Variants in AFF3 observed in about 807,000 individuals in gnomAD.
AFF3 encodes the protein ALF transcription elongation factor 3.
AFF3 carries 32 observed loss-of-function variants against 129.7 expected under a neutral mutation model. That is an observed-to-expected ratio of 0.25 (90% CI 0.19 to 0.33). AFF3 has a LOEUF of 0.33. Ranked by LOEUF, AFF3 falls within the 10% of genes least tolerant of loss-of-function variation. The probability of loss-of-function intolerance (pLI) is 1.00; values close to 1 mark genes in which losing one functional copy is unlikely to be tolerated. For synonymous variants in AFF3, 644 were observed against 635.4 expected (o/e 1.01, Z -0.20); for missense variants, 1,373 against 1,592.0 (o/e 0.86, Z 2.34).
At chr2:100,084,027 G>A (rs745627971) in intron 4 of AFF3, among the ~76,000 whole-genome samples, 4 of 152,158 alleles carry the variant, frequency 2.6e-5, no homozygotes, top group East Asian at 3.9e-4. Context: ...GCTATTCCAC[G>A]TGACCACACC....
intron 11 of AFF3, among the ~76,000 whole-genome samples, chr2:99,677,000 G>T (rs1673999453): frequency 6.6e-6 from 1 of 152,144 alleles, no homozygotes; most frequent in Non-Finnish European, 1.5e-5. Flanking sequence ...TGCACGCGGT[G>T]GCTTGTTCCT....
intron 13 of AFF3, among the ~76,000 whole-genome samples, chr2:99,639,512 C>A (rs2105477749): frequency 6.6e-6 from 1 of 152,236 alleles, no homozygotes; most frequent in Non-Finnish European, 1.5e-5. Context: ...CTTCACACTG[C>A]CCCCGACAGT....
At chr2:99,938,630 T>C (rs1003477593) in intron 7 of AFF3, among the ~76,000 whole-genome samples, 1 of 152,158 alleles carries the variant, frequency 6.6e-6, no homozygotes, top group Admixed American at 6.5e-5. Context: ...GTGGGCCTCA[T>C]CCAATTAGTT....
intron 7 of AFF3, among the ~76,000 whole-genome samples, chr2:99,934,479 G>A (rs1674343084): frequency 6.6e-6 from 1 of 152,142 alleles, no homozygotes; most frequent in Admixed American, 6.5e-5. Flanking sequence ...CTGCACACAT[G>A]TTCTTAAGCA....
At chr2:99,664,806 G>A (rs1314795841) in intron 12 of AFF3, among the ~76,000 whole-genome samples, 1 of 152,242 alleles carries the variant, frequency 6.6e-6, no homozygotes, top group Non-Finnish European at 1.5e-5. Context: ...CACAGTCCCT[G>A]CCCTCAGGAA....
intron 4 of AFF3, among the ~76,000 whole-genome samples, chr2:100,063,879 C>T (rs1687497200): frequency 6.6e-6 from 1 of 152,042 alleles, no homozygotes; most frequent in Non-Finnish European, 1.5e-5. Context: ...CACCTGAGGT[C>T]AGGAGTTCAA....
At chr2:100,098,478 A>C (rs1394470309) in intron 4 of AFF3, among the ~76,000 whole-genome samples, 1 of 146,928 alleles carries the variant, frequency 6.8e-6, no homozygotes, top group Non-Finnish European at 1.5e-5. Context: ...TTTTTTCTTA[A>C]TTTGCCTATT....
At chr2:99,667,477 C>G (rs1263589682) in intron 12 of AFF3, among the ~76,000 whole-genome samples, 1 of 151,784 alleles carries the variant, frequency 6.6e-6, no homozygotes, top group Non-Finnish European at 1.5e-5. Context: ...AAAAATGTAC[C>G]CAAAGCAAGC....
chr2:100,019,664 G>C (rs1045247631), intron 4 of AFF3, among the ~76,000 whole-genome samples: 4 of 152,178 alleles, frequency 2.6e-5, no homozygotes, highest in Admixed American at 6.5e-5. Flanking sequence ...AAAAATATCA[G>C]AATCTGGAAG....
intron 7 of AFF3, among the ~76,000 whole-genome samples, chr2:99,927,753 T>C (rs1389823256): frequency 1.3e-5 from 2 of 152,176 alleles, no homozygotes; most frequent in Admixed American, 6.5e-5. Context: ...AAAATTTTTT[T>C]AAATACTAAG....
chr2:99,554,258 C>A, intron 24 of AFF3, 53 bp downstream of exon 24: 2 of 1,588,672 alleles, frequency 1.3e-6, no homozygotes, highest in African/African-American at 1.3e-5. Context: ...GCAGAAGAAT[C>A]GCTTGAACCC....
intron 7 of AFF3, among the ~76,000 whole-genome samples, chr2:99,968,982 G>T (rs1011876910): frequency 6.6e-6 from 1 of 152,196 alleles, no homozygotes; most frequent in Non-Finnish European, 1.5e-5. Flanking sequence ...AGCAGCAAGA[G>T]GGAGTGTGGC....
At chr2:99,591,358 T>C (rs1678660883) in intron 15 of AFF3, among the ~76,000 whole-genome samples, 1 of 152,006 alleles carries the variant, frequency 6.6e-6, no homozygotes, top group Non-Finnish European at 1.5e-5. Flanking sequence ...GGCTAATTTT[T>C]TGTATTTTAG....
Position 99,546,154 on chromosome 2 carries a change from C to T in AFF3, c.*5320G>A, listed in dbSNP as rs550187057. On this transcript the variant is annotated 3_prime_UTR_variant, in exon 25 of 25. Coordinates refer to ENST00000672756, the MANE Select transcript of AFF3 (RefSeq NM_001386135.1). Reference sequence around the variant, plus strand: ...AGATTCCACTTGATCCGGGTTTCTTCGAAAATGTATTACTTTTTACAAATA... The same window carrying T: ...AGATTCCACTTGATCCGGGTTTCTTTGAAAATGTATTACTTTTTACAAATA... 1.0e-4 allele frequency: 24 copies of T among 228,952 alleles called. No homozygotes were observed. The highest frequency in any genetic ancestry group is 3.6e-4 in the South Asian group (2 of 5,492). 14.2% of individuals were successfully genotyped at this position (228,952 alleles called of 1,614,324 possible).
At chr2:99,877,365 G>T (rs1052328967) in intron 7 of AFF3, among the ~76,000 whole-genome samples, 3 of 152,164 alleles carry the variant, frequency 2.0e-5, no homozygotes, top group Non-Finnish European at 4.4e-5. Flanking sequence ...GGGGCCTTCA[G>T]GTACAGATGT....
chr2:99,843,117 A>C (rs560495862), intron 7 of AFF3, among the ~76,000 whole-genome samples: 8 of 152,352 alleles, frequency 5.3e-5, no homozygotes, highest in African/African-American at 1.9e-4. Flanking sequence ...TGACATACAA[A>C]AAGTTAGGTA....
At chr2:99,728,262 T>G (rs1679521969) in intron 10 of AFF3, among the ~76,000 whole-genome samples, 2 of 152,186 alleles carry the variant, frequency 1.3e-5, no homozygotes, top group Non-Finnish European at 1.5e-5. Context: ...CTCGTGTGTT[T>G]CCTGATGGTT....
chr2:100,030,847 G>A (rs1684431723), intron 4 of AFF3, among the ~76,000 whole-genome samples: 1 of 152,150 alleles, frequency 6.6e-6, no homozygotes, highest in Non-Finnish European at 1.5e-5. Context: ...AGGTAGAGAA[G>A]GTTGAATGTA....
chr2:99,583,395 T>G (rs934329925), intron 16 of AFF3, among the ~76,000 whole-genome samples: 4 of 152,182 alleles, frequency 2.6e-5, no homozygotes, highest in African/African-American at 7.2e-5. Flanking sequence ...ATTTCTGTCT[T>G]TTTTTGAGAC....
Sources: gnomAD v4.1 joint callset for allele counts (sites outside exome capture counted in the v4.1 genomes callset) on GRCh38, gnomAD v4.1.1 for gene constraint, MANE v1.5 for transcripts, NCBI Gene and HGNC (gene_info 2026-07-23, HGNC 2026-07-21) for gene names.